The following GPR158 variants were observed in gnomAD, a reference collection of about 807,000 sequenced individuals.
GPR158 encodes G protein-coupled receptor 158, also known as metabotropic glycine receptor.
A neutral mutation model predicts 78.2 loss-of-function variants in GPR158; 30 were observed. The ratio of observed to expected loss-of-function variants is 0.38; its 90% CI spans 0.29 to 0.52. The LOEUF (loss-of-function observed/expected upper bound fraction) is 0.52, where lower values mean the gene tolerates loss of function less well. Among genes scored for constraint, GPR158 ranks in the 20% least tolerant of loss-of-function variants. GPR158 has a pLI of 0.83. For missense variants in GPR158, 1,463 were observed against 1,523.5 expected (o/e 0.96, Z 0.66); for synonymous variants, 581 against 591.1 (o/e 0.98, Z 0.25).
intron 5 of GPR158, among the ~76,000 whole-genome samples, chr10:25,495,106 G>A (rs979470036): frequency 5.9e-5 from 9 of 151,576 alleles, no homozygotes; most frequent in Non-Finnish European, 1.0e-4. Context: ...AAGCAGAGAG[G>A]AGGAAGTTAT....
chr10:25,476,965 T>C (rs1433372359), intron 5 of GPR158, among the ~76,000 whole-genome samples: 2 of 152,154 alleles, frequency 1.3e-5, no homozygotes, highest in Non-Finnish European at 2.9e-5. Context: ...AAGTTTCTGA[T>C]ATTCAATCAT....
intron 2 of GPR158, among the ~76,000 whole-genome samples, chr10:25,291,647 C>T (rs1032497078): frequency 9.2e-5 from 14 of 151,686 alleles, no homozygotes; most frequent in African/African-American, 3.4e-4. Context: ...TTCTGTATAA[C>T]CAAAAAACAA....
intron 2 of GPR158, among the ~76,000 whole-genome samples, chr10:25,339,405 T>C (rs2130504206): frequency 6.6e-6 from 1 of 152,286 alleles, no homozygotes; most frequent in East Asian, 1.9e-4. Context: ...AGTTTCTTTG[T>C]GATTCTCTTA....
At chr10:25,309,766 G>A (rs1854737304) in intron 2 of GPR158, among the ~76,000 whole-genome samples, 1 of 151,636 alleles carries the variant, frequency 6.6e-6, no homozygotes. Flanking sequence ...TTTATAAAGG[G>A]GAGTTCCTGT....
intron 5 of GPR158, among the ~76,000 whole-genome samples, chr10:25,512,645 C>T (rs932562125): frequency 2.6e-5 from 4 of 152,118 alleles, no homozygotes; most frequent in East Asian, 1.9e-4. Flanking sequence ...TTTCCCTGTT[C>T]GGTATAATGT....
intron 4 of GPR158, among the ~76,000 whole-genome samples, chr10:25,419,879 G>A (rs1338079623): frequency 1.2e-4 from 19 of 152,052 alleles, no homozygotes; most frequent in Non-Finnish European, 2.4e-4. Flanking sequence ...CACTCTTGAT[G>A]TTGTACATTC....
Position 25,597,837 on chromosome 10 carries a change from C to G in GPR158, c.2211C>G (p.Asn737Lys). The change falls in exon 11 of 11, where the codon AAC (asparagine) becomes AAG (lysine). Residue 737 changes from asparagine (N) to lysine (K), a missense_variant. By Grantham distance (94) the Asn-to-Lys change is moderately conservative (BLOSUM62 0). Transcript: ENST00000376351. Reference protein sequence around the residue: ...IYKRKKMITNNPHLQKKRCSK... With the variant: ...IYKRKKMITNKPHLQKKRCSK... ...AAAGAAAGAAGATGATCACAAACAA[C>G]CCCCACCTCCAGAAAAAGCGGTGCT... 1 of 1,536,712 alleles carries G rather than the reference C, an allele frequency of 6.5e-7. No individual in the cohort carries two copies. Among genetic ancestry groups the G allele is most frequent in the Non-Finnish European group, 8.7e-7 (1 of 1,145,350 alleles).
chr10:25,175,582 C>T lies in GPR158; in HGVS notation c.162C>T (p.Ala54=). The change falls in exon 1 of 11, where the codon GCC becomes GCT. Residue 54 remains alanine, a synonymous_variant. Coordinates refer to ENST00000376351, the MANE Select transcript of GPR158 (RefSeq NM_020752.3). The surrounding 1 kb of genome is among the most constrained non-coding windows in gnomAD (Gnocchi z 6.4). The stretch of plus-strand genomic sequence containing the variant: ...CCCAGCAGCCGGGTCGAGCCTCTGC[C>T]TCGGACTCCTCGGCTCCCTGGAGCC... ...PHAQQPGRAS[A]SDSSAPWSRS... The T allele has an allele frequency of 1.2e-6, 2 of 1,610,938 alleles. No individual in the cohort carries two copies. Among genetic ancestry groups the T allele is most frequent in the Non-Finnish European group, 1.7e-6 (2 of 1,179,804 alleles).
intron 2 of GPR158, among the ~76,000 whole-genome samples, chr10:25,345,734 G>A (rs953756115): frequency 1.3e-5 from 2 of 151,996 alleles, no homozygotes; most frequent in African/African-American, 2.4e-5. Context: ...AGCTATGGAC[G>A]ATGTCTTAAT....
At chr10:25,594,419 T>C in intron 9 of GPR158, 22 bp downstream of exon 9, 1 of 1,118,660 alleles carries the variant, frequency 8.9e-7, no homozygotes, top group East Asian at 2.5e-5. Context: ...ATATTACTTT[T>C]TTTTTTGCAA....
chr10:25,468,012 C>T (rs924356806), intron 5 of GPR158, among the ~76,000 whole-genome samples: 22 of 152,120 alleles, frequency 1.4e-4, no homozygotes, highest in African/African-American at 4.6e-4. Flanking sequence ...AGCATTGCTC[C>T]GTACCACCAT....
intron 5 of GPR158, among the ~76,000 whole-genome samples, chr10:25,485,441 G>C (rs923857570): frequency 1.3e-5 from 2 of 152,170 alleles, no homozygotes; most frequent in South Asian, 2.1e-4. Flanking sequence ...CCATGTAAAC[G>C]TGAGATTGAA....
intron 2 of GPR158, among the ~76,000 whole-genome samples, chr10:25,266,571 C>G (rs1854047380): frequency 6.6e-6 from 1 of 151,900 alleles, no homozygotes; most frequent in Admixed American, 6.6e-5. Context: ...TTTCTATTGT[C>G]TTTTTTTACA....
intron 2 of GPR158, among the ~76,000 whole-genome samples, chr10:25,232,235 G>A (rs1044479215): frequency 2.0e-5 from 3 of 152,176 alleles, no homozygotes; most frequent in African/African-American, 7.2e-5. Flanking sequence ...AATATACAGT[G>A]AGTGCCTGAG....
rs1564459979 is a variant in GPR158, at chr10:25,454,279, T to C, written c.1336-12372T>C. Among the ~76,000 whole-genome samples the C allele has an allele frequency of 1.3e-5, 2 of 149,892 alleles. 1 individual carries two copies. The highest frequency in any genetic ancestry group is 4.3e-4 in the South Asian group (2 of 4,640). On this transcript the variant is annotated intron_variant, in intron 4 of 10. Coordinates refer to ENST00000376351, the MANE Select transcript of GPR158 (RefSeq NM_020752.3). ...GTATGTTGATTTTGTATACATTTTG[T>C]ATGTTGATTTCATATACATGTTGGC...
chr10:25,494,969 A>G (rs1308959679), intron 5 of GPR158, among the ~76,000 whole-genome samples: 1 of 152,168 alleles, frequency 6.6e-6, no homozygotes, highest in African/African-American at 2.4e-5. Flanking sequence ...CACACGTCCC[A>G]TATTCCATTT....
At chr10:25,497,567 T>C (rs1486764501) in intron 5 of GPR158, among the ~76,000 whole-genome samples, 1 of 151,974 alleles carries the variant, frequency 6.6e-6, no homozygotes, top group Admixed American at 6.6e-5. Context: ...ATGTGTAAAA[T>C]ATTCAAAAGA....
intron 2 of GPR158, among the ~76,000 whole-genome samples, chr10:25,338,400 A>T (rs1855241923): frequency 7.4e-6 from 1 of 134,880 alleles, no homozygotes; most frequent in African/African-American, 3.2e-5. Context: ...TATATATATT[A>T]TTATATATAA....
intron 1 of GPR158, among the ~76,000 whole-genome samples, chr10:25,182,225 T>C (rs1405586724): frequency 6.6e-6 from 1 of 152,170 alleles, no homozygotes; most frequent in Non-Finnish European, 1.5e-5. Flanking sequence ...CATTTCAAAA[T>C]AAGAATAAGC....
Sources: allele counts gnomAD v4.1 joint callset (sites outside exome capture counted in the v4.1 genomes callset), GRCh38; gene constraint gnomAD v4.1.1; non-coding constraint Gnocchi (gnomAD v3.1); transcripts MANE v1.5; gene names NCBI Gene and HGNC (gene_info 2026-07-23, HGNC 2026-07-21).